Variants in C16orf74 observed in about 807,000 individuals in gnomAD.
C16orf74 encodes calcimembrin.
Under a neutral mutation model 6.5 loss-of-function variants are expected in C16orf74, and 10 were observed. The observed-to-expected ratio is 1.54, with a 90% CI of 0.95 to 2.61. C16orf74 has a LOEUF of 2.61. Ranked by LOEUF, C16orf74 falls within the 30% of genes most tolerant of loss-of-function variation. The pLI, the probability that C16orf74 is intolerant of heterozygous loss-of-function variation, is 0.00. For synonymous variants in C16orf74, 60 were observed against 42.5 expected (o/e 1.41, Z -1.60); for missense variants, 141 against 105.9 (o/e 1.33, Z -1.45).
chr16:85,720,521 A>C (rs949655752), intron 2 of C16orf74, among the ~76,000 whole-genome samples: 1 of 152,172 alleles, frequency 6.6e-6, no homozygotes, highest in African/African-American at 2.4e-5. Context: ...TAATTCCAGC[A>C]CTTTGGAAGG....
intron 2 of C16orf74, among the ~76,000 whole-genome samples, chr16:85,728,004 TGTTGTAC>T (rs2054151484): frequency 1.4e-5 from 2 of 142,430 alleles, no homozygotes; most frequent in African/African-American, 5.3e-5. Context: ...CTGGGCGTGG[TGTTGTAC>T]ACCTATACTC....
intron 2 of C16orf74, among the ~76,000 whole-genome samples, chr16:85,711,667 T>C (rs1200223432): frequency 3.3e-5 from 5 of 151,646 alleles, no homozygotes; most frequent in African/African-American, 1.2e-4. Flanking sequence ...CCAAAAACCC[T>C]TCAGGCAGCA....
At chr16:85,740,198 C>T (rs1434876937) in intron 1 of C16orf74, among the ~76,000 whole-genome samples, 12 of 117,962 alleles carry the variant, frequency 1.0e-4, no homozygotes, top group East Asian at 4.7e-4. Flanking sequence ...GCGACAAGAA[C>T]GAGACTTTGT....
chr16:85,721,924 G>C (rs2054086946), intron 2 of C16orf74, among the ~76,000 whole-genome samples: 1 of 150,242 alleles, frequency 6.7e-6, no homozygotes, highest in African/African-American at 2.5e-5. Flanking sequence ...GGGGTTATCA[G>C]CGCTAACAAT....
chr16:85,735,071 A>T, intron 2 of C16orf74, 119 bp downstream of exon 2: 1 of 789,902 alleles, frequency 1.3e-6, no homozygotes, highest in Non-Finnish European at 2.0e-6. Context: ...GGACTGCTTT[A>T]AGGGATGGTG....
chr16:85,711,221 G>A (rs1223212101), intron 2 of C16orf74, among the ~76,000 whole-genome samples: 2 of 151,110 alleles, frequency 1.3e-5, no homozygotes, highest in Non-Finnish European at 1.5e-5. Context: ...GCTGAAGCAG[G>A]AGGAGAATCA....
chr16:85,743,191 G>C (rs1387561804), intron 1 of C16orf74: 5 of 152,212 alleles, frequency 3.3e-5, no homozygotes, highest in Non-Finnish European at 7.3e-5. Flanking sequence ...GAGCTGAAAT[G>C]TCTGAGAAGG....
chr16:85,720,166 C>T (rs143291986), intron 2 of C16orf74, among the ~76,000 whole-genome samples: 8 of 152,064 alleles, frequency 5.3e-5, no homozygotes, highest in African/African-American at 1.9e-4. Context: ...ATAGAGACAG[C>T]AGTGGATGTT....
At chr16:85,721,582 A>G (rs1373704955) in intron 2 of C16orf74, among the ~76,000 whole-genome samples, 1 of 152,188 alleles carries the variant, frequency 6.6e-6, no homozygotes, top group Non-Finnish European at 1.5e-5. Context: ...TGAAATTCAT[A>G]TATAACTGGG....
intron 2 of C16orf74, among the ~76,000 whole-genome samples, chr16:85,713,465 G>A (rs1372848380): frequency 1.3e-5 from 2 of 152,146 alleles, no homozygotes; most frequent in Non-Finnish European, 2.9e-5. Flanking sequence ...TAGAGACAGG[G>A]TCTCACCATG....
chr16:85,732,495 G>A (rs891402114), intron 2 of C16orf74, among the ~76,000 whole-genome samples: 33 of 151,548 alleles, frequency 2.2e-4, no homozygotes, highest in South Asian at 2.1e-4. Context: ...GTGAAACCCC[G>A]TCTCTACTAA....
chr16:85,713,773 CA>C (rs61702053), intron 2 of C16orf74, among the ~76,000 whole-genome samples: 110,478 of 139,818 alleles, frequency 0.79, 40,620 homozygotes, highest in East Asian at 0.88. Flanking sequence ...ACACTGAAGC[CA>C]AGGGGCTTCC....
intron 1 of C16orf74, among the ~76,000 whole-genome samples, chr16:85,745,643 G>A (rs1034566745): frequency 2.0e-4 from 30 of 150,514 alleles, no homozygotes; most frequent in Non-Finnish European, 8.9e-5. Context: ...TCTCCCGCTG[G>A]CTGGAGGGAC....
chr16:85,739,169 C>CA (rs57568220), intron 1 of C16orf74, among the ~76,000 whole-genome samples: 150,078 of 152,194 alleles, frequency 0.99, 74,046 homozygotes, highest in Middle Eastern at 1. Flanking sequence ...GGATCAACCA[C>CA]AATAAGCCAG....
chr16:85,719,093 G>T (rs1598786396), intron 2 of C16orf74, among the ~76,000 whole-genome samples: 1 of 152,212 alleles, frequency 6.6e-6, no homozygotes, highest in African/African-American at 2.4e-5. Context: ...CTCTCGGCCT[G>T]GGCTTTCTCA....
intron 1 of C16orf74, among the ~76,000 whole-genome samples, chr16:85,747,039 C>A (rs1200678658): frequency 6.6e-6 from 1 of 152,064 alleles, no homozygotes; most frequent in South Asian, 2.1e-4. Context: ...CAGCAGGAAG[C>A]GAAACAGGAT....
intron 2 of C16orf74, among the ~76,000 whole-genome samples, chr16:85,733,021 G>A (rs377970): frequency 0.95 from 144,955 of 152,212 alleles, 69,438 homozygotes; most frequent in East Asian, 1. Flanking sequence ...GGATCTGCAG[G>A]GTCTTGGTCT....
chr16:85,713,329 T>C (rs1480050250), intron 2 of C16orf74, among the ~76,000 whole-genome samples: 1 of 152,198 alleles, frequency 6.6e-6, no homozygotes, highest in Non-Finnish European at 1.5e-5. Flanking sequence ...TGCAGTGCAG[T>C]GGCACAATCT....
chr16:85,716,963 A>G (rs1421376651), intron 2 of C16orf74, among the ~76,000 whole-genome samples: 2 of 152,160 alleles, frequency 1.3e-5, no homozygotes, highest in African/African-American at 4.8e-5. Flanking sequence ...TGAGCCTGGG[A>G]TTCCAGAAGG....
Sources: allele counts gnomAD v4.1 joint callset (sites outside exome capture counted in the v4.1 genomes callset), GRCh38; gene constraint gnomAD v4.1.1; transcripts MANE v1.5; gene names NCBI Gene and HGNC (gene_info 2026-07-23, HGNC 2026-07-21).